WDR72: variants seen among roughly 807,000 people sequenced by gnomAD.
The protein encoded by WDR72 is WD repeat-containing protein 72.
WDR72 carries 120 observed loss-of-function variants against 124.2 expected under a neutral mutation model. The observed-to-expected ratio is 0.97, with a 90% CI of 0.83 to 1.12. The LOEUF (loss-of-function observed/expected upper bound fraction) is 1.12, where lower values mean the gene tolerates loss of function less well. Ranked by LOEUF, WDR72 falls within the 50% of genes most tolerant of loss-of-function variation. WDR72 has a pLI of 0.00. For missense variants in WDR72, 1,387 were observed against 1,278.8 expected (o/e 1.08, Z -1.29); for synonymous variants, 452 against 441.7 (o/e 1.02, Z -0.29).
chr15:53,701,949 ATAC>A (rs1213402325), intron 12 of WDR72, among the ~76,000 whole-genome samples, 182 bp downstream of exon 12: 1 of 152,168 alleles, frequency 6.6e-6, no homozygotes, highest in Non-Finnish European at 1.5e-5. Flanking sequence ...AGTTATAATA[ATAC>A]TACAATTCAT....
In WDR72 at chr15:53,647,583, G is replaced by A. The variant is rs555957203; in HGVS notation, c.1962+17989C>T. On this transcript the variant is annotated intron_variant, in intron 14 of 19. Transcript: ENST00000360509. ...CTCATGCTCCCTCTCCTCAGTCATCGGTATTTTTACCAAATGCTTACAGTT... is the reference window on the plus strand; with the variant it reads ...CTCATGCTCCCTCTCCTCAGTCATCAGTATTTTTACCAAATGCTTACAGTT... Among the ~76,000 whole-genome samples the A allele has an allele frequency of 5.9e-5, 9 of 151,904 alleles. No individual in the cohort carries two copies. In the East Asian group the frequency reaches 9.7e-4, roughly 16 times the overall value.
chr15:53,547,949 A>C (rs971739772), intron 18 of WDR72, among the ~76,000 whole-genome samples: 8 of 152,192 alleles, frequency 5.3e-5, no homozygotes, highest in Admixed American at 2.0e-4. Context: ...AAAGAAAAGA[A>C]AAGAAAAAAA....
At chr15:53,551,550 T>C (rs1462643509) in intron 18 of WDR72, among the ~76,000 whole-genome samples, 1 of 152,142 alleles carries the variant, frequency 6.6e-6, no homozygotes, top group Non-Finnish European at 1.5e-5. Flanking sequence ...TTATTACCTG[T>C]CCATAAATAA....
At chr15:53,699,629 G>T in intron 13 of WDR72, 121 bp downstream of exon 13, 2 of 1,068,390 alleles carry the variant, frequency 1.9e-6, no homozygotes, top group Non-Finnish European at 2.8e-6. Context: ...ATTAAATGCA[G>T]CCCAAACAAA....
chr15:53,726,264 G>GTGTGTATATATATATATATATA (rs1555428779), intron 2 of WDR72, among the ~76,000 whole-genome samples: 39 of 110,358 alleles, frequency 3.5e-4, no homozygotes, highest in African/African-American at 1.8e-3. Flanking sequence ...ATGTATGTGT[G>GTGTGTATATATATATATATATA]TATATATATA....
chr15:53,693,612 C>T (rs187732369), intron 13 of WDR72, among the ~76,000 whole-genome samples: 10 of 152,240 alleles, frequency 6.6e-5, no homozygotes, highest in African/African-American at 2.4e-4. Flanking sequence ...CATGGAAGAA[C>T]AAGTGCTCCA....
At chr15:53,548,565 G>A (rs1893590440) in intron 18 of WDR72, among the ~76,000 whole-genome samples, 1 of 151,990 alleles carries the variant, frequency 6.6e-6, no homozygotes, top group Admixed American at 6.6e-5. Flanking sequence ...ATGGGAATTG[G>A]GGTGAGGTTA....
At chr15:53,532,765 C>T (rs960065369) in intron 18 of WDR72, among the ~76,000 whole-genome samples, 1 of 151,554 alleles carries the variant, frequency 6.6e-6, no homozygotes, top group African/African-American at 2.4e-5. Context: ...TTCAAAATAA[C>T]AAAAAGAGTG....
chr15:53,612,533 A>G (rs2013585405), intron 16 of WDR72, among the ~76,000 whole-genome samples: 1 of 152,010 alleles, frequency 6.6e-6, no homozygotes, highest in Non-Finnish European at 1.5e-5. Context: ...GCTAATGCAA[A>G]GGTCCTCAGA....
chr15:53,726,114 C>A (rs572504235), intron 2 of WDR72, among the ~76,000 whole-genome samples: 2 of 150,086 alleles, frequency 1.3e-5, no homozygotes, highest in East Asian at 3.9e-4. Context: ...TTTGTCAAAT[C>A]CCATAAAACG....
chr15:53,664,054 T>C (rs745863716), intron 14 of WDR72, among the ~76,000 whole-genome samples: 6 of 152,098 alleles, frequency 3.9e-5, no homozygotes, highest in East Asian at 1.9e-4. Context: ...GTGTTCTAAA[T>C]GGAGTCTTAA....
chr15:53,685,615 G>C (rs1193455162), intron 13 of WDR72, among the ~76,000 whole-genome samples: 1 of 149,330 alleles, frequency 6.7e-6, no homozygotes, highest in Non-Finnish European at 1.5e-5. Flanking sequence ...GGGGAGAATG[G>C]AACCAAGTTG....
chr15:53,733,184 A>G (rs1336007019), intron 1 of WDR72, 23 bp from the exon 2 acceptor site: 3 of 1,612,536 alleles, frequency 1.9e-6, no homozygotes, highest in Non-Finnish European at 2.5e-6. Flanking sequence ...GAAGGGAAGA[A>G]GCATACATGG....
intron 1 of WDR72, among the ~76,000 whole-genome samples, chr15:53,739,819 T>G (rs931455275): frequency 6.6e-6 from 1 of 152,210 alleles, no homozygotes; most frequent in African/African-American, 2.4e-5. Context: ...GGAAAGCTTC[T>G]GGGTCACACT....
intron 18 of WDR72, among the ~76,000 whole-genome samples, chr15:53,587,466 AT>A (rs2012274623): frequency 6.6e-6 from 1 of 152,148 alleles, no homozygotes; most frequent in Admixed American, 6.6e-5. Context: ...ATGTTACTAT[AT>A]CTTTCAGTGT....
At chr15:53,676,718 C>A (rs895543971) in intron 13 of WDR72, among the ~76,000 whole-genome samples, 3 of 152,140 alleles carry the variant, frequency 2.0e-5, no homozygotes, top group Admixed American at 2.0e-4. Context: ...AATAGAGAAC[C>A]TGGTTGAGTT....
intron 18 of WDR72, among the ~76,000 whole-genome samples, chr15:53,568,971 AAAT>A (rs1894402244): frequency 6.6e-6 from 1 of 152,088 alleles, no homozygotes; most frequent in Non-Finnish European, 1.5e-5. Flanking sequence ...TTAGCTTGTA[AAAT>A]AATGTTTAAT....
intron 9 of WDR72, among the ~76,000 whole-genome samples, chr15:53,706,301 A>T (rs1329288637): frequency 6.8e-6 from 1 of 148,130 alleles, no homozygotes; most frequent in Non-Finnish European, 1.5e-5. Context: ...CAATAAAAGT[A>T]TCTAACATTT....
chr15:53,735,183 C>T (rs1286594163), intron 1 of WDR72, among the ~76,000 whole-genome samples: 2 of 151,930 alleles, frequency 1.3e-5, no homozygotes, highest in Admixed American at 6.6e-5. Flanking sequence ...AATCCTACCT[C>T]GGGAGGCTGA....
Sources: allele counts gnomAD v4.1 joint callset (sites outside exome capture counted in the v4.1 genomes callset), GRCh38; gene constraint gnomAD v4.1.1; transcripts MANE v1.5; gene names NCBI Gene and HGNC (gene_info 2026-07-23, HGNC 2026-07-21).